CLSTN1: variants seen among roughly 807,000 people sequenced by gnomAD.
CLSTN1 encodes calsyntenin 1, also known as calsyntenin-1.
Under a neutral mutation model 108.3 loss-of-function variants are expected in CLSTN1, and 28 were observed. That is an observed-to-expected ratio of 0.26 (90% CI 0.19 to 0.35). The LOEUF (loss-of-function observed/expected upper bound fraction) is 0.35, where lower values mean the gene tolerates loss of function less well. CLSTN1 is among the 10% of genes least tolerant of loss of function. The pLI is 1.00. For missense variants in CLSTN1, 1,157 were observed against 1,302.6 expected, an observed-to-expected ratio of 0.89 and a Z score of 1.72; for synonymous variants, 524 against 534.9, an observed-to-expected ratio of 0.98 and a Z score of 0.28.
rs112501297 is a variant in CLSTN1 at position 9,744,312 on chromosome 1, T to C, written c.1234+83A>G. The C allele has an allele frequency of 3.4e-3, 5,235 of 1,518,952 alleles. 154 individuals carry two copies. In the African/African-American group the frequency reaches 0.064, roughly 19 times the overall value. 94.1% of individuals were successfully genotyped at this position (1,518,952 alleles called of 1,614,324 possible). Reference sequence around the variant, plus strand: ...CGAGCACCAGGCTGGCAGGGGACCCTGGGAAAGGAGAGGGAGCCTGCCGCT... The same window carrying C: ...CGAGCACCAGGCTGGCAGGGGACCCCGGGAAAGGAGAGGGAGCCTGCCGCT... On this transcript the variant is annotated intron_variant, in intron 8 of 18. Coordinates refer to ENST00000377298, the MANE Select transcript of CLSTN1 (RefSeq NM_001009566.3).
chr1:9,787,917 C>T (rs1414623534), intron 1 of CLSTN1, among the ~76,000 whole-genome samples: 1 of 151,310 alleles, frequency 6.6e-6, no homozygotes, highest in Non-Finnish European at 1.5e-5. Flanking sequence ...CCTCCCCCAG[C>T]CCCTGGCAGC....
In CLSTN1 at chr1:9,735,021, G is replaced by A. The variant is rs377705970; in HGVS notation, c.2037C>T (p.Phe679=). The change falls in exon 14 of 19, where the codon TTC becomes TTT. Residue 679 remains phenylalanine, a synonymous_variant. Coordinates refer to ENST00000377298, the MANE Select transcript of CLSTN1 (RefSeq NM_001009566.3). ...TGGTGCTGATGATGCGAAGCTCAGGGAAAAGGAACACCCCTTCTGAGCTTT... is the reference window on the plus strand; with the variant it reads ...TGGTGCTGATGATGCGAAGCTCAGGAAAAAGGAACACCCCTTCTGAGCTTT... ...EFESSEGVFL[F]PELRIISTIT... 2.5e-6 allele frequency: 4 copies of A among 1,614,094 alleles called. No individual in the cohort carries two copies. Among genetic ancestry groups the A allele is most frequent in the Non-Finnish European group, 3.4e-6 (4 of 1,180,056 alleles).
chr1:9,813,860 G>A (rs1406879301), intron 1 of CLSTN1, among the ~76,000 whole-genome samples: 1 of 152,138 alleles, frequency 6.6e-6, no homozygotes, highest in Non-Finnish European at 1.5e-5. Context: ...AGCACTTTGG[G>A]AGGCCAAGGC....
chr1:9,814,727 T>C (rs918937836), intron 1 of CLSTN1, among the ~76,000 whole-genome samples: 2 of 151,610 alleles, frequency 1.3e-5, no homozygotes, highest in Non-Finnish European at 2.9e-5. Flanking sequence ...CTGGGCAACA[T>C]AGGAAGATCC....
chr1:9,762,395 A>G (rs1235544626), intron 2 of CLSTN1, among the ~76,000 whole-genome samples: 2 of 151,964 alleles, frequency 1.3e-5, no homozygotes, highest in African/African-American at 4.8e-5. Flanking sequence ...CGGGAGGCAG[A>G]AGTTGCAGTG....
At position 9,731,749 on chromosome 1, in the gene CLSTN1, C is replaced by T; in HGVS notation, c.2563+12G>A. The T allele has an allele frequency of 6.2e-7, 1 of 1,614,148 alleles. No homozygotes were observed. Among genetic ancestry groups the T allele is most frequent in the East Asian group, 2.2e-5 (1 of 44,882 alleles). ...GGAGCATCTCCGCTTGGTCTCCCTC[C>T]CCATGTCCTACCTGCGAACGGGTGG... On this transcript the variant is annotated intron_variant, in intron 17 of 18. Coordinates refer to ENST00000377298, the MANE Select transcript of CLSTN1 (RefSeq NM_001009566.3).
intron 1 of CLSTN1, among the ~76,000 whole-genome samples, chr1:9,807,349 G>A (rs1480321882): frequency 2.0e-5 from 3 of 151,990 alleles, no homozygotes; most frequent in Non-Finnish European, 4.4e-5. Context: ...CACGGACTAC[G>A]TCACCATTAT....
intron 1 of CLSTN1, chr1:9,781,085 A>T (rs1320206804): frequency 1.2e-5 from 8 of 679,736 alleles, no homozygotes; most frequent in Non-Finnish European, 1.9e-5. Flanking sequence ...TCTGCTTGAG[A>T]TTTCAAGAAT....
intron 7 of CLSTN1, 62 bp from the exon 8 acceptor site, chr1:9,744,705 C>T (rs550640803): frequency 1.4e-5 from 22 of 1,522,534 alleles, no homozygotes; most frequent in Non-Finnish European, 1.9e-5. Context: ...CACCTCAAGC[C>T]CCCAGGCACG....
intron 1 of CLSTN1, among the ~76,000 whole-genome samples, chr1:9,774,669 C>T (rs1411746664): frequency 2.0e-5 from 3 of 151,832 alleles, no homozygotes; most frequent in South Asian, 2.1e-4. Flanking sequence ...AACTTACTGC[C>T]GGAAAAGGGT....
intron 8 of CLSTN1, 111 bp from the exon 9 acceptor site, chr1:9,744,116 C>A: frequency 6.9e-7 from 1 of 1,444,314 alleles, no homozygotes; most frequent in Non-Finnish European, 9.4e-7. Context: ...TAAATGAACT[C>A]TTCGGCTAAG....
chr1:9,791,897 C>T lies in CLSTN1; in HGVS notation c.92-18503G>A, dbSNP rs1570498546. ...GGCCCAGTGGCTCATGCTTGTAATC[C>T]CAACACTTTGGGAGGCTGAGGCGGG... On this transcript the variant is annotated intron_variant, in intron 1 of 18. Coordinates refer to ENST00000377298, the MANE Select transcript of CLSTN1 (RefSeq NM_001009566.3). 1.3e-5 allele frequency among the ~76,000 whole-genome samples: 2 copies of T among 151,006 alleles called. 1 individual carries two copies. Among genetic ancestry groups the T allele is most frequent in the South Asian group, 4.4e-4 (2 of 4,516 alleles).
intron 1 of CLSTN1, among the ~76,000 whole-genome samples, chr1:9,783,780 G>A (rs543470716): frequency 6.6e-6 from 1 of 152,164 alleles, no homozygotes; most frequent in Non-Finnish European, 1.5e-5. Context: ...ATGGCCTGAG[G>A]TCAGGAGTTC....
intron 1 of CLSTN1, among the ~76,000 whole-genome samples, chr1:9,805,798 C>T (rs1374696092): frequency 2.2e-5 from 3 of 139,298 alleles, no homozygotes; most frequent in African/African-American, 5.5e-5. Context: ...ACCCAGGAGG[C>T]GGAGGTTGCA....
chr1:9,731,649 G>A, intron 17 of CLSTN1, 112 bp downstream of exon 17: 2 of 1,125,722 alleles, frequency 1.8e-6, no homozygotes, highest in Non-Finnish European at 2.7e-6. Context: ...GGAATAATTG[G>A]GACAGGGAAA....
intron 1 of CLSTN1, among the ~76,000 whole-genome samples, chr1:9,807,675 G>A (rs776098296): frequency 2.6e-5 from 4 of 152,212 alleles, no homozygotes; most frequent in Non-Finnish European, 5.9e-5. Flanking sequence ...GGCCTGCAGA[G>A]GCGGCTGCTT....
intron 1 of CLSTN1, among the ~76,000 whole-genome samples, chr1:9,779,396 A>T (rs1029130149): frequency 2.4e-4 from 36 of 151,910 alleles, no homozygotes; most frequent in African/African-American, 8.5e-4. Context: ...AACATAGTGA[A>T]ACTCCGTCTC....
Position 9,773,261 on chromosome 1 carries a change from C to T in CLSTN1, c.214+11G>A. On this transcript the variant is annotated intron_variant, in intron 2 of 18. Transcript: ENST00000377298. ...CGATTCATCAAGAGTCAATGAAAGC[C>T]CCGTTCCTACCTGCAAATCGCAGAG... 2 of 1,613,744 alleles carry T rather than the reference C, an allele frequency of 1.2e-6. No individual in the cohort carries two copies. The highest frequency in any genetic ancestry group is 1.1e-5 in the South Asian group (1 of 91,034).
intron 1 of CLSTN1, among the ~76,000 whole-genome samples, chr1:9,791,688 T>C (rs553775769): frequency 6.6e-6 from 1 of 150,880 alleles, no homozygotes; most frequent in Non-Finnish European, 1.5e-5. Context: ...CCCACCACCA[T>C]GCCCACTAAT....
Sources: allele counts gnomAD v4.1 joint callset (sites outside exome capture counted in the v4.1 genomes callset), GRCh38; gene constraint gnomAD v4.1.1; transcripts MANE v1.5; gene names NCBI Gene and HGNC (gene_info 2026-07-23, HGNC 2026-07-21).